The following SRBD1 variants were observed in gnomAD, a reference collection of about 807,000 sequenced individuals.
SRBD1 encodes the protein S1 RNA binding domain 1, also known as S1 RNA-binding domain-containing protein 1.
Under a neutral mutation model 115.3 loss-of-function variants are expected in SRBD1, and 88 were observed. The ratio of observed to expected loss-of-function variants is 0.76; its 90% confidence interval spans 0.64 to 0.91. SRBD1 has a LOEUF of 0.91. Among genes scored for constraint, SRBD1 ranks in the 40% least tolerant of loss-of-function variants. The pLI is 0.00. For synonymous variants in SRBD1, 509 were observed against 407.7 expected (o/e 1.25, Z -2.99); for missense variants, 1,385 against 1,177.4 (o/e 1.18, Z -2.58).
Position 45,419,854 on chromosome 2 carries a change from C to A in SRBD1, c.2090G>T (p.Ser697Ile). 6.2e-7 allele frequency: 1 copy of A among 1,613,776 alleles called. No homozygotes were observed. Among genetic ancestry groups the A allele is most frequent in the Non-Finnish European group, 8.5e-7 (1 of 1,179,866 alleles). ...AAAGCTGACACATTCTTCTACAACA[C>A]TGTCCAGTGTTGCCTTGAGTAAAGT... ...SQTLLKATLD[S>I]VVEECVSFVG... The change falls in exon 17 of 21, where the codon AGT becomes ATT. Residue 697 changes from serine (S) to isoleucine (I), a missense_variant. By Grantham distance (142) the Ser-to-Ile change is moderately radical (BLOSUM62 -2). Transcript: ENST00000263736.
At chr2:45,490,054 C>A (rs1361173614) in intron 14 of SRBD1, among the ~76,000 whole-genome samples, 2 of 152,066 alleles carry the variant, frequency 1.3e-5, no homozygotes, top group African/African-American at 4.8e-5. Flanking sequence ...ACTTCAGAGA[C>A]CAGCTTCAAA....
intron 14 of SRBD1, among the ~76,000 whole-genome samples, chr2:45,538,100 G>A (rs1671821772): frequency 6.6e-6 from 1 of 152,142 alleles, no homozygotes; most frequent in Admixed American, 6.5e-5. Flanking sequence ...GAGAATGGCT[G>A]GTCTGAAGCC....
chr2:45,561,614 C>A (rs1201057120), intron 10 of SRBD1, among the ~76,000 whole-genome samples: 1 of 152,144 alleles, frequency 6.6e-6, no homozygotes, highest in African/African-American at 2.4e-5. Context: ...GCTAGGAAGC[C>A]ACTTTACTTA....
At chr2:45,438,089 T>C (rs1668554670) in intron 16 of SRBD1, among the ~76,000 whole-genome samples, 1 of 152,188 alleles carries the variant, frequency 6.6e-6, no homozygotes, top group Admixed American at 6.5e-5. Flanking sequence ...ATGTTGAGAC[T>C]GGAGGGGGCT....
At chr2:45,582,986 G>T (rs553293654) in intron 5 of SRBD1, among the ~76,000 whole-genome samples, 5 of 152,136 alleles carry the variant, frequency 3.3e-5, no homozygotes, top group Admixed American at 1.3e-4. Context: ...AACAACTAAC[G>T]ACAAAAGGAA....
At position 45,413,238 on chromosome 2, in the gene SRBD1, C is replaced by G. The variant is rs556291003; in HGVS notation, c.2389G>C (p.Asp797His). The G allele has an allele frequency of 4.8e-4, 780 of 1,614,102 alleles. 12 individuals are homozygous for G. In the South Asian group the frequency reaches 8.3e-3, roughly 17 times the overall value. The change falls in exon 19 of 21, where the codon GAC (aspartate) becomes CAC (histidine). Residue 797 changes from aspartate (D) to histidine (H), a missense_variant. Asp to His is a moderately conservative substitution (Grantham distance 81, BLOSUM62 -1). Coordinates refer to ENST00000263736, the MANE Select transcript of SRBD1 (RefSeq NM_018079.5). Reference sequence around the variant, plus strand: ...TGCTTCTCATTTGTGACCTCAACGTCTGCTGAAGATGTCACAGCAACTCCT... The same window carrying G: ...TGCTTCTCATTTGTGACCTCAACGTGTGCTGAAGATGTCACAGCAACTCCT... ...IQGVAVTSSA[D>H]VEVTNEKQGK...
chr2:45,535,843 C>T (rs183687891), intron 14 of SRBD1, among the ~76,000 whole-genome samples: 4 of 152,012 alleles, frequency 2.6e-5, no homozygotes, highest in African/African-American at 7.2e-5. Context: ...ACTCTCTTTA[C>T]CCAAAGATAA....
chr2:45,441,087 G>C (rs191674872), intron 16 of SRBD1, among the ~76,000 whole-genome samples: 71 of 152,228 alleles, frequency 4.7e-4, no homozygotes, highest in African/African-American at 1.6e-3. Context: ...ATGTGAACTG[G>C]CTTCCAGCCC....
chr2:45,482,308 A>G (rs935369166), intron 15 of SRBD1, among the ~76,000 whole-genome samples: 1 of 152,156 alleles, frequency 6.6e-6, no homozygotes, highest in Admixed American at 6.6e-5. Flanking sequence ...TTATTTATGT[A>G]TGATGATTGT....
chr2:45,520,044 T>C (rs1300881085), intron 14 of SRBD1, among the ~76,000 whole-genome samples: 3 of 151,992 alleles, frequency 2.0e-5, no homozygotes, highest in Non-Finnish European at 4.4e-5. Context: ...TTAGAAAAAA[T>C]ACATTTAAAG....
At chr2:45,407,176 G>C (rs186382990) in intron 19 of SRBD1, among the ~76,000 whole-genome samples, 41 of 152,206 alleles carry the variant, frequency 2.7e-4, no homozygotes, top group Admixed American at 2.2e-3. Flanking sequence ...AACCTCACAG[G>C]GTTGCTGTGT....
chr2:45,414,350 C>A (rs1475621598), intron 18 of SRBD1, among the ~76,000 whole-genome samples: 1 of 151,832 alleles, frequency 6.6e-6, no homozygotes, highest in Non-Finnish European at 1.5e-5. Context: ...AGTGCAGAAA[C>A]CACAAAAACT....
intron 9 of SRBD1, among the ~76,000 whole-genome samples, chr2:45,566,121 A>C (rs1488482463): frequency 6.6e-6 from 1 of 152,246 alleles, no homozygotes; most frequent in East Asian, 1.9e-4. Flanking sequence ...GAGAATGTAA[A>C]AATGGCATAG....
Position 45,553,666 on chromosome 2 carries a change from A to T in SRBD1, c.1474T>A (p.Ser492Thr), listed in dbSNP as rs1558474104. 6.2e-7 allele frequency: 1 copy of T among 1,607,952 alleles called. No individual in the cohort carries two copies. The highest frequency in any genetic ancestry group is 2.2e-5 in the East Asian group (1 of 44,734). Reference protein sequence around the residue: ...MKILYNSLNDSFKRLIYPLLC... With the variant: ...MKILYNSLNDTFKRLIYPLLC... ...AGAGGATAAATAAGGCGTTTAAAGG[A>T]ATCATTCAGTGAATTATATAAGATC... Residue 492 changes from serine to threonine, a missense_variant, in exon 11 of 21, where the codon TCC (serine) becomes ACC (threonine). Ser to Thr is a moderately conservative substitution (Grantham distance 58). Coordinates refer to ENST00000263736, the MANE Select transcript of SRBD1 (RefSeq NM_018079.5).
At chr2:45,548,537 T>C (rs1242919420) in intron 12 of SRBD1, among the ~76,000 whole-genome samples, 2 of 152,150 alleles carry the variant, frequency 1.3e-5, no homozygotes, top group South Asian at 4.1e-4. Context: ...TTTAGAACAA[T>C]TATCCTATAA....
intron 14 of SRBD1, among the ~76,000 whole-genome samples, chr2:45,505,082 G>T (rs558013546): frequency 6.9e-4 from 105 of 152,112 alleles, no homozygotes; most frequent in Non-Finnish European, 1.4e-3. Context: ...AACCTGTGGT[G>T]CACTCTCAAA....
chr2:45,522,142 A>G (rs1671304102), intron 14 of SRBD1, among the ~76,000 whole-genome samples: 1 of 152,154 alleles, frequency 6.6e-6, no homozygotes, highest in African/African-American at 2.4e-5. Context: ...TAGATTGAGC[A>G]TCCCAAATCC....
rs1670473810 is a variant in SRBD1 at position 45,496,819 on chromosome 2, T to C, written c.1875-8488A>G. Among the ~76,000 whole-genome samples, 4 of 152,170 alleles carry C rather than the reference T, an allele frequency of 2.6e-5. No homozygotes were observed. The South Asian group carries it at 8.3e-4, about 32-fold the overall frequency. On this transcript the variant is annotated intron_variant, in intron 14 of 20. Coordinates refer to ENST00000263736, the MANE Select transcript of SRBD1 (RefSeq NM_018079.5). ...CCCTATCTACAAACTTCATCTAACA[T>C]ACTCACCACCCAGTAGCCTCCAGTT...
At chr2:45,560,191 T>C (rs914749402) in intron 10 of SRBD1, among the ~76,000 whole-genome samples, 5 of 152,186 alleles carry the variant, frequency 3.3e-5, no homozygotes, top group African/African-American at 1.2e-4. Context: ...TAAATAATAT[T>C]ACAAATTTTT....
Sources: gnomAD v4.1 joint callset for allele counts (sites outside exome capture counted in the v4.1 genomes callset) on GRCh38, gnomAD v4.1.1 for gene constraint, MANE v1.5 for transcripts, NCBI Gene and HGNC (gene_info 2026-07-23, HGNC 2026-07-21) for gene names.